Variants in ITGA8 observed in about 807,000 individuals in gnomAD.
ITGA8 encodes integrin subunit alpha 8, also known as integrin alpha-8.
ITGA8 carries 91 observed loss-of-function variants against 142.3 expected under a neutral mutation model. The observed-to-expected ratio is 0.64, with a 90% CI of 0.54 to 0.76. The LOEUF (loss-of-function observed/expected upper bound fraction) is 0.76, where lower values mean the gene tolerates loss of function less well. Ranked by LOEUF, ITGA8 falls within the 30% of genes least tolerant of loss-of-function variation. The probability of loss-of-function intolerance (pLI) is 0.00; values close to 1 mark genes in which losing one functional copy is unlikely to be tolerated. For synonymous variants in ITGA8, 505 were observed against 485.2 expected, an observed-to-expected ratio of 1.04 and a Z score of -0.54; for missense variants, 1,406 against 1,327.7, an observed-to-expected ratio of 1.06 and a Z score of -0.92.
At chr10:15,586,739 T>A (rs965176464) in intron 22 of ITGA8, 75 bp from the exon 23 acceptor site, 2 of 851,660 alleles carry the variant, frequency 2.3e-6, no homozygotes, top group Non-Finnish European at 4.0e-6. Context: ...TAAAAAACAT[T>A]CTACATATCA....
At chr10:15,681,835 T>C (rs1467097167) in intron 4 of ITGA8, among the ~76,000 whole-genome samples, 1 of 152,230 alleles carries the variant, frequency 6.6e-6, no homozygotes. Flanking sequence ...TCATGGAGTA[T>C]AGGATATGGA....
intron 28 of ITGA8, among the ~76,000 whole-genome samples, chr10:15,526,269 C>G (rs1258676975): frequency 6.6e-6 from 1 of 152,088 alleles, no homozygotes; most frequent in Non-Finnish European, 1.5e-5. Flanking sequence ...CTCCGCCTCC[C>G]AGGTTCAAGA....
rs199811951 is a variant in ITGA8 at position 15,597,306 on chromosome 10, T to C, written c.2119-7A>G. The C allele has an allele frequency of 6.2e-7, 1 of 1,611,792 alleles. No homozygotes were observed. The highest frequency in any genetic ancestry group is 2.2e-5 in the East Asian group (1 of 44,856). On this transcript the variant is annotated splice_polypyrimidine_tract_variant and splice_region_variant and intron_variant, in intron 20 of 29. Coordinates refer to ENST00000378076, the MANE Select transcript of ITGA8 (RefSeq NM_003638.3). ...AGCTCAGTGGTCGAAATCCCTACAATTGCAAAGAACAGGGGGTTTAGGGGG... is the reference window on the plus strand; with the variant it reads ...AGCTCAGTGGTCGAAATCCCTACAACTGCAAAGAACAGGGGGTTTAGGGGG...
At position 15,718,884 on chromosome 10, in the gene ITGA8, C is replaced by T. The variant is rs1389106310; in HGVS notation, c.225G>A (p.Val75=). 3 of 1,613,972 alleles carry T rather than the reference C, an allele frequency of 1.9e-6. No homozygotes were observed. The highest frequency in any genetic ancestry group is 2.7e-5 in the African/African-American group (2 of 74,926). Residue 75 remains valine, a synonymous_variant, in exon 2 of 30, where the codon GTG becomes GTA. Transcript: ENST00000378076. ...GGCTGGTGTTGGCTTTGGGCGCCCC[C>T]ACCAAGACACTCGCTCTGCAAAAGA... is the stretch of plus-strand genomic sequence containing the variant. ...IPDARTASVL[V]GAPKANTSQP... is the part of the protein sequence containing the mutation.
intron 24 of ITGA8, among the ~76,000 whole-genome samples, chr10:15,573,171 A>G (rs9333205): frequency 2.6e-5 from 4 of 151,646 alleles, no homozygotes; most frequent in African/African-American, 9.8e-5. Flanking sequence ...ACCTTATCAA[A>G]GAAGCTTGGC....
At position 15,694,695 on chromosome 10, in the gene ITGA8, A is replaced by ATATATATATATATC. The variant is rs1485063481; in HGVS notation, c.344-6658_344-6657insGATATATATATATA. 1.2e-4 allele frequency among the ~76,000 whole-genome samples: 17 copies of ATATATATATATATC among 136,640 alleles called. No individual in the cohort carries two copies. The East Asian group carries it at 3.6e-3, about 29-fold the overall frequency. 89.6% of individuals were successfully genotyped at this position (136,640 alleles called of 152,430 possible). A position where few individuals can be genotyped will look rare whatever the true frequency, so the allele number is the denominator to read the frequency against. On this transcript the variant is annotated intron_variant, in intron 2 of 29. Transcript: ENST00000378076. The stretch of plus-strand genomic sequence containing the variant: ...TTTGTCGACATATATATATATATAT[A>ATATATATATATATC]TATATATGTCGACATATGTATTTCT...
intron 26 of ITGA8, among the ~76,000 whole-genome samples, chr10:15,557,217 CA>C (rs1833902997): frequency 2.6e-5 from 4 of 151,980 alleles, no homozygotes; most frequent in Non-Finnish European, 5.9e-5. Context: ...CTTACCTCTA[CA>C]AAAATGCAAA....
intron 14 of ITGA8, among the ~76,000 whole-genome samples, chr10:15,614,622 G>C (rs906342229): frequency 9.9e-5 from 15 of 152,070 alleles, no homozygotes; most frequent in Admixed American, 1.3e-4. Context: ...TTTAAAGCTT[G>C]GTTCCAAGAT....
Position 15,629,396 on chromosome 10 carries a change from A to G in ITGA8, c.1400-12837T>C, listed in dbSNP as rs145991769. On this transcript the variant is annotated intron_variant, in intron 13 of 29. Transcript: ENST00000378076. ...ATAAGTGCAGTCACCCCCACTGCCC[A>G]TTTCATCTATGTCACCCCCTCTGCC... 2.1e-3 allele frequency among the ~76,000 whole-genome samples: 324 copies of G among 151,990 alleles called. 4 individuals carry two copies. The highest frequency in any genetic ancestry group is 7.4e-3 in the African/African-American group (307 of 41,356).
intron 2 of ITGA8, among the ~76,000 whole-genome samples, chr10:15,702,180 T>C (rs1232154594): frequency 6.6e-6 from 1 of 152,214 alleles, no homozygotes; most frequent in East Asian, 1.9e-4. Context: ...TTATGATCTA[T>C]ATCACGTATG....
chr10:15,673,069 G>C (rs1312146819), intron 6 of ITGA8, among the ~76,000 whole-genome samples: 2 of 149,198 alleles, frequency 1.3e-5, no homozygotes, highest in Non-Finnish European at 3.0e-5. Flanking sequence ...TGTAATTTTT[G>C]TTTGTTTGTT....
chr10:15,651,670 C>A (rs1288968430), intron 11 of ITGA8, among the ~76,000 whole-genome samples: 3 of 151,928 alleles, frequency 2.0e-5, no homozygotes, highest in African/African-American at 7.3e-5. Context: ...CTATCTCCAG[C>A]TTGGGGAAAG....
intron 12 of ITGA8, among the ~76,000 whole-genome samples, chr10:15,645,038 G>A (rs973808966): frequency 7.2e-6 from 1 of 138,870 alleles, no homozygotes; most frequent in Non-Finnish European, 1.5e-5. Context: ...GTTGTGGTGA[G>A]CAGTGAGTTG....
intron 2 of ITGA8, among the ~76,000 whole-genome samples, chr10:15,704,435 C>T (rs1170528695): frequency 6.6e-6 from 1 of 152,150 alleles, no homozygotes; most frequent in East Asian, 1.9e-4. Context: ...CAACTTTTCT[C>T]AAATGCGAAA....
chr10:15,623,343 G>A (rs1472835871), intron 13 of ITGA8, among the ~76,000 whole-genome samples: 2 of 152,014 alleles, frequency 1.3e-5, no homozygotes, highest in Non-Finnish European at 1.5e-5. Flanking sequence ...CTGCCTTCTA[G>A]GTGCACAACT....
chr10:15,566,952 G>T (rs977959253), intron 25 of ITGA8, among the ~76,000 whole-genome samples: 8 of 148,360 alleles, frequency 5.4e-5, no homozygotes, highest in African/African-American at 1.7e-4. Context: ...GAGGTCAAGG[G>T]TTCGAGACCA....
At chr10:15,628,202 A>G (rs1211478920) in intron 13 of ITGA8, among the ~76,000 whole-genome samples, 1 of 151,912 alleles carries the variant, frequency 6.6e-6, no homozygotes, top group Non-Finnish European at 1.5e-5. Context: ...AGAAGTTAAC[A>G]GTAAGTATAA....
chr10:15,687,824 G>A (rs951169139), intron 3 of ITGA8, 114 bp downstream of exon 3: 16 of 642,598 alleles, frequency 2.5e-5, no homozygotes, highest in South Asian at 6.7e-5. Flanking sequence ...CAGCCTTATC[G>A]TTGAAAGTCT....
intron 22 of ITGA8, among the ~76,000 whole-genome samples, chr10:15,588,952 G>A (rs1832877479): frequency 6.6e-6 from 1 of 152,212 alleles, no homozygotes; most frequent in Non-Finnish European, 1.5e-5. Flanking sequence ...TACTAGCGGT[G>A]TCAGCAATAT....
Sources: gnomAD v4.1 joint callset for allele counts (sites outside exome capture counted in the v4.1 genomes callset) on GRCh38, gnomAD v4.1.1 for gene constraint, MANE v1.5 for transcripts, NCBI Gene and HGNC (gene_info 2026-07-23, HGNC 2026-07-21) for gene names.